The following TMEM132B variants were observed in gnomAD, a reference collection of about 807,000 sequenced individuals.
The protein encoded by TMEM132B is transmembrane protein 132B.
Under a neutral mutation model 90.8 loss-of-function variants are expected in TMEM132B, and 18 were observed. The ratio of observed to expected loss-of-function variants is 0.20; its 90% CI spans 0.14 to 0.29. The LOEUF (loss-of-function observed/expected upper bound fraction) is 0.29. TMEM132B is among the 10% of genes least tolerant of loss of function. The pLI is 1.00. For missense variants in TMEM132B, 1,096 were observed against 1,326.8 expected, an observed-to-expected ratio of 0.83 and a Z score of 2.70; for synonymous variants, 504 against 523.3, an observed-to-expected ratio of 0.96 and a Z score of 0.50.
rs1036724944 is a variant in TMEM132B, at chr12:125,490,367, G to C, written c.1107-29072G>C. Among the ~76,000 whole-genome samples the C allele has an allele frequency of 3.3e-5, 5 of 151,818 alleles. No individual in the cohort carries two copies. The highest frequency in any genetic ancestry group is 3.3e-4 in the Admixed American group (5 of 15,282). ...CCAGCCTCAAAGTTCAACTCTTGTT[G>C]ATGTTTTTTCAGTAGGCCTGTGGTA... On this transcript the variant is annotated intron_variant, in intron 3 of 8. Coordinates refer to ENST00000682704, the MANE Select transcript of TMEM132B (RefSeq NM_001366854.1). The surrounding 1 kb of genome is among the most constrained non-coding windows in gnomAD (Gnocchi z 4.2).
At chr12:125,505,182 A>AAAAC (rs1882810505) in intron 3 of TMEM132B, among the ~76,000 whole-genome samples, 1 of 146,580 alleles carries the variant, frequency 6.8e-6, no homozygotes, top group African/African-American at 2.5e-5. Context: ...AAAAAAAAAA[A>AAAAC]AAAAAAAAAA....
intron 1 of TMEM132B, among the ~76,000 whole-genome samples, chr12:125,338,242 C>T (rs951076860): frequency 2.6e-5 from 4 of 152,124 alleles, no homozygotes; most frequent in African/African-American, 7.2e-5. Context: ...GTGGCTTAGG[C>T]GAGTAGGATT....
chr12:125,256,069 G>T (rs1874432408), intron 1 of TMEM132B, among the ~76,000 whole-genome samples: 2 of 152,180 alleles, frequency 1.3e-5, no homozygotes, highest in Admixed American at 1.3e-4. Flanking sequence ...TTCTGGGTCA[G>T]TCAGTGCGTT....
At chr12:125,489,406 A>T (rs1049646997) in intron 3 of TMEM132B, among the ~76,000 whole-genome samples, 179 of 151,582 alleles carry the variant, frequency 1.2e-3, no homozygotes, top group Non-Finnish European at 7.7e-4. Flanking sequence ...GTTTTTTTTA[A>T]AAATTTACTT....
At chr12:125,613,062 T>C (rs1401883002) in intron 5 of TMEM132B, among the ~76,000 whole-genome samples, 1 of 46,438 alleles carries the variant, frequency 2.2e-5, no homozygotes, top group African/African-American at 1.7e-4. Context: ...ATATATATCA[T>C]ATATATTTAT....
chr12:125,282,526 C>G (rs1260382693), intron 1 of TMEM132B, among the ~76,000 whole-genome samples: 1 of 152,250 alleles, frequency 6.6e-6, no homozygotes. Flanking sequence ...CATGTGGGCA[C>G]TGGTGTCCTT....
intron 5 of TMEM132B, among the ~76,000 whole-genome samples, chr12:125,618,026 A>T (rs1886032463): frequency 6.6e-6 from 1 of 151,772 alleles, no homozygotes; most frequent in Non-Finnish European, 1.5e-5. Flanking sequence ...TGTGGTCCAT[A>T]AAGACTGAGT....
intron 1 of TMEM132B, among the ~76,000 whole-genome samples, chr12:125,300,138 C>T (rs1184482560): frequency 2.0e-5 from 3 of 152,182 alleles, no homozygotes; most frequent in Non-Finnish European, 4.4e-5. Context: ...GATCACCCCA[C>T]CTAAAGGAAC....
At chr12:125,343,205 A>G (rs1042192424) in intron 1 of TMEM132B, among the ~76,000 whole-genome samples, 1 of 152,202 alleles carries the variant, frequency 6.6e-6, no homozygotes, top group African/African-American at 2.4e-5. Flanking sequence ...AGGATATGTA[A>G]GGTGGTTTAT....
intron 3 of TMEM132B, among the ~76,000 whole-genome samples, chr12:125,428,774 G>A (rs1224312556): frequency 6.6e-6 from 1 of 152,132 alleles, no homozygotes; most frequent in East Asian, 1.9e-4. Flanking sequence ...CATTTTATTT[G>A]ATTTTATCCA....
At chr12:125,394,081 G>A (rs1353115647) in intron 2 of TMEM132B, among the ~76,000 whole-genome samples, 1 of 152,156 alleles carries the variant, frequency 6.6e-6, no homozygotes, top group Non-Finnish European at 1.5e-5. Context: ...AACTGAGAAA[G>A]ACCAGTAGGA....
At chr12:125,217,288 G>A (rs931544446) in intron 1 of TMEM132B, among the ~76,000 whole-genome samples, 1 of 152,068 alleles carries the variant, frequency 6.6e-6, no homozygotes, top group African/African-American at 2.4e-5. Flanking sequence ...GCTGGGGGCC[G>A]GGTACATGGC....
intron 4 of TMEM132B, among the ~76,000 whole-genome samples, chr12:125,543,954 C>A (rs1175606103): frequency 6.6e-6 from 1 of 152,112 alleles, no homozygotes; most frequent in Non-Finnish European, 1.5e-5. Flanking sequence ...AACCCAAATG[C>A]CCATCAATGA....
At chr12:125,197,251 A>C (rs1872946006) in intron 1 of TMEM132B, among the ~76,000 whole-genome samples, 1 of 152,106 alleles carries the variant, frequency 6.6e-6, no homozygotes, top group Admixed American at 6.5e-5. Flanking sequence ...TCCTCTGTTC[A>C]TGATGTGATG....
chr12:125,287,203 C>A (rs1875386326), intron 1 of TMEM132B, among the ~76,000 whole-genome samples: 1 of 152,050 alleles, frequency 6.6e-6, no homozygotes, highest in Admixed American at 6.5e-5. Context: ...GTGGCCCCGT[C>A]TCCTCTGATT....
intron 1 of TMEM132B, among the ~76,000 whole-genome samples, chr12:125,347,292 G>A (rs7959573): frequency 0.31 from 46,842 of 152,028 alleles, 7,417 homozygotes; most frequent in Admixed American, 0.39. Flanking sequence ...GTATATTTAG[G>A]TAAGTAATTG....
At chr12:125,356,153 A>G (rs1289650424) in intron 2 of TMEM132B, among the ~76,000 whole-genome samples, 3 of 152,142 alleles carry the variant, frequency 2.0e-5, no homozygotes, top group Admixed American at 1.3e-4. Flanking sequence ...TCTCTGATTT[A>G]TTAAAATAGG....
chr12:125,333,181 G>A (rs1876845844), intron 1 of TMEM132B, among the ~76,000 whole-genome samples: 1 of 152,070 alleles, frequency 6.6e-6, no homozygotes, highest in Non-Finnish European at 1.5e-5. Context: ...AACTCTTCCC[G>A]TCTTCATGTG....
intron 3 of TMEM132B, among the ~76,000 whole-genome samples, chr12:125,515,440 C>T (rs931653293): frequency 2.1e-5 from 3 of 145,036 alleles, no homozygotes; most frequent in African/African-American, 7.9e-5. Flanking sequence ...CACACATACA[C>T]ACATTCACAC....
Sources: allele counts gnomAD v4.1 joint callset (sites outside exome capture counted in the v4.1 genomes callset), GRCh38; gene constraint gnomAD v4.1.1; non-coding constraint Gnocchi (gnomAD v3.1); transcripts MANE v1.5; gene names NCBI Gene and HGNC (gene_info 2026-07-23, HGNC 2026-07-21).